Variants in GLT1D1 observed in about 807,000 individuals in gnomAD.
GLT1D1 encodes the protein glycosyltransferase 1 domain containing 1.
Under a neutral mutation model 28.7 loss-of-function variants are expected in GLT1D1, and 21 were observed. The ratio of observed to expected loss-of-function variants is 0.73; its 90% CI spans 0.52 to 1.05. The LOEUF is 1.05. GLT1D1 is among the 50% of genes least tolerant of loss of function. The pLI, the probability that GLT1D1 is intolerant of heterozygous loss-of-function variation, is 0.00. For missense variants in GLT1D1, 343 were observed against 330.6 expected, an observed-to-expected ratio of 1.04 and a Z score of -0.29; for synonymous variants, 147 against 124.8, an observed-to-expected ratio of 1.18 and a Z score of -1.19.
At chr12:128,971,456 C>CTG (rs1879057705) in intron 7 of GLT1D1, among the ~76,000 whole-genome samples, 1 of 113,922 alleles carries the variant, frequency 8.8e-6, no homozygotes, top group East Asian at 3.5e-4. Flanking sequence ...CTCTCTCCCT[C>CTG]CATCCCTCCC....
intron 7 of GLT1D1, among the ~76,000 whole-genome samples, chr12:128,963,573 G>C (rs533007593): frequency 4.6e-5 from 7 of 152,188 alleles, no homozygotes; most frequent in Non-Finnish European, 1.0e-4. Flanking sequence ...TTAAACCCGG[G>C]GGGTGGAGGT....
intron 3 of GLT1D1, among the ~76,000 whole-genome samples, chr12:128,897,183 C>T (rs966217525): frequency 6.6e-6 from 1 of 152,096 alleles, no homozygotes; most frequent in Non-Finnish European, 1.5e-5. Context: ...ATTTTATGGT[C>T]CCTTATATTT....
intron 4 of GLT1D1, among the ~76,000 whole-genome samples, chr12:128,925,149 T>C (rs1486123488): frequency 6.6e-6 from 1 of 152,214 alleles, no homozygotes; most frequent in Non-Finnish European, 1.5e-5. Context: ...TTCCTTTATA[T>C]ACCTATGGAC....
At chr12:128,864,666 G>C (rs1037349748) in intron 1 of GLT1D1, among the ~76,000 whole-genome samples, 1 of 152,196 alleles carries the variant, frequency 6.6e-6, no homozygotes, top group Non-Finnish European at 1.5e-5. Context: ...ATGCTGGGTT[G>C]CTGGGGAAAC....
intron 4 of GLT1D1, among the ~76,000 whole-genome samples, chr12:128,921,707 C>G (rs1872672429): frequency 6.6e-6 from 1 of 151,966 alleles, no homozygotes. Flanking sequence ...ACCAAAATGC[C>G]AATGCGTCTT....
At chr12:128,972,481 C>T (rs1205836711) in intron 7 of GLT1D1, among the ~76,000 whole-genome samples, 2 of 151,662 alleles carry the variant, frequency 1.3e-5, no homozygotes, top group Non-Finnish European at 3.0e-5. Context: ...CGGGAAGAAC[C>T]GGGGAGCAAC....
At chr12:128,942,039 C>T (rs1875348685) in intron 4 of GLT1D1, among the ~76,000 whole-genome samples, 1 of 149,900 alleles carries the variant, frequency 6.7e-6, no homozygotes, top group Non-Finnish European at 1.5e-5. Context: ...TGATGTAATT[C>T]CTGGAGACTT....
At chr12:128,875,561 C>A (rs1055767228) in intron 1 of GLT1D1, among the ~76,000 whole-genome samples, 1 of 152,126 alleles carries the variant, frequency 6.6e-6, no homozygotes, top group Non-Finnish European at 1.5e-5. Flanking sequence ...CTTTGGGAGG[C>A]CAAAGCAGGT....
At chr12:128,893,384 G>A (rs1443926544) in intron 3 of GLT1D1, among the ~76,000 whole-genome samples, 1 of 152,096 alleles carries the variant, frequency 6.6e-6, no homozygotes, top group East Asian at 1.9e-4. Flanking sequence ...TGAATTTGCT[G>A]TTTTGTAGGC....
chr12:128,899,300 C>G lies in GLT1D1; in HGVS notation c.375+13C>G. 1 of 1,609,692 alleles carries G rather than the reference C, an allele frequency of 6.2e-7. No homozygotes were observed. Among genetic ancestry groups the G allele is most frequent in the East Asian group, 2.2e-5 (1 of 44,818 alleles). On this transcript the variant is annotated intron_variant, in intron 4 of 7. Transcript: ENST00000281703. ...ACAAGCGCAGTGGGTATGTGTTTAT[C>G]TGGTGTTGTTATTTTGGTTGTGCTG...
At chr12:128,982,660 A>T (rs1257857268) in intron 7 of GLT1D1, among the ~76,000 whole-genome samples, 1 of 151,972 alleles carries the variant, frequency 6.6e-6, no homozygotes, top group Non-Finnish European at 1.5e-5. Flanking sequence ...CGTGATGTTC[A>T]TCCCAGCATA....
chr12:128,882,894 CTATT>C (rs60181904), intron 2 of GLT1D1, among the ~76,000 whole-genome samples: 4,826 of 149,748 alleles, frequency 0.032, 229 homozygotes, highest in African/African-American at 0.1. Flanking sequence ...CCTCCTCTTT[CTATT>C]TATTTATTTA....
chr12:128,861,053 G>C (rs1956352406), intron 1 of GLT1D1, among the ~76,000 whole-genome samples: 4 of 147,800 alleles, frequency 2.7e-5, no homozygotes, highest in Admixed American at 2.1e-4. Context: ...CACGCCGAGA[G>C]TAAGTTGTGG....
chr12:128,873,065 T>G (rs574522619), intron 1 of GLT1D1, among the ~76,000 whole-genome samples: 2 of 152,192 alleles, frequency 1.3e-5, no homozygotes, highest in Non-Finnish European at 1.5e-5. Flanking sequence ...CAGGTAATTT[T>G]TTAAATTTTT....
chr12:128,897,643 T>G (rs1869791016), intron 3 of GLT1D1, among the ~76,000 whole-genome samples: 1 of 152,172 alleles, frequency 6.6e-6, no homozygotes, highest in Non-Finnish European at 1.5e-5. Flanking sequence ...TTTAACCACT[T>G]CTCTAACCTT....
chr12:128,889,047 G>A (rs1337963762), intron 3 of GLT1D1, among the ~76,000 whole-genome samples: 1 of 152,198 alleles, frequency 6.6e-6, no homozygotes, highest in African/African-American at 2.4e-5. Context: ...GGGAGGCTGA[G>A]GCAGGAGGAT....
At chr12:128,927,283 G>A in intron 4 of GLT1D1, 129 bp downstream of exon 8, 2 of 716,828 alleles carry the variant, frequency 2.8e-6, no homozygotes, top group South Asian at 1.8e-5. Context: ...CTGTCCCCCA[G>A]GCTGGAGTGC....
At chr12:128,857,222 A>G (rs1593038749) in intron 1 of GLT1D1, among the ~76,000 whole-genome samples, 4 of 152,226 alleles carry the variant, frequency 2.6e-5, no homozygotes, top group South Asian at 2.1e-4. Context: ...CTCCCCCATC[A>G]TTCTGTTGGT....
intron 4 of GLT1D1, among the ~76,000 whole-genome samples, chr12:128,919,450 C>T (rs987047376): frequency 7.2e-5 from 11 of 152,144 alleles, no homozygotes; most frequent in Admixed American, 2.0e-4. Flanking sequence ...GTCCACGTGG[C>T]GATGCATTCT....
Sources: gnomAD v4.1 joint callset for allele counts (sites outside exome capture counted in the v4.1 genomes callset) on GRCh38, gnomAD v4.1.1 for gene constraint, MANE v1.5 for transcripts, NCBI Gene and HGNC (gene_info 2026-07-23, HGNC 2026-07-21) for gene names.